WASHC5: variants seen among roughly 807,000 people sequenced by gnomAD.
WASHC5 encodes WASH complex subunit strumpellin.
WASHC5 carries 101 observed loss-of-function variants against 150.4 expected under a neutral mutation model. That is an observed-to-expected ratio of 0.67 (90% CI 0.57 to 0.79). The LOEUF is 0.79. Among genes scored for constraint, WASHC5 ranks in the 30% least tolerant of loss-of-function variants. The probability of loss-of-function intolerance (pLI) is 0.00; values close to 1 mark genes in which losing one functional copy is unlikely to be tolerated. For synonymous variants in WASHC5, 467 were observed against 491.2 expected (o/e 0.95, Z 0.65); for missense variants, 1,195 against 1,396.3 (o/e 0.86, Z 2.30).
chr8:125,071,120 G>C (rs955653024), intron 9 of WASHC5, among the ~76,000 whole-genome samples: 1 of 152,222 alleles, frequency 6.6e-6, no homozygotes, highest in Non-Finnish European at 1.5e-5. Flanking sequence ...GGTCCTCAAG[G>C]AAAGTTTGTT....
intron 10 of WASHC5, among the ~76,000 whole-genome samples, chr8:125,066,619 T>C (rs1390203181): frequency 6.6e-6 from 1 of 152,198 alleles, no homozygotes; most frequent in Non-Finnish European, 1.5e-5. Flanking sequence ...TTAATACCCT[T>C]TCCAGTGGTT....
rs951233953 is a variant in WASHC5 at position 125,032,503 on chromosome 8, C to G, written c.3182-109G>C. The G allele has an allele frequency of 4.0e-6, 5 of 1,235,058 alleles. No homozygotes were observed. In the East Asian group the frequency reaches 1.2e-4, roughly 29 times the overall value. The allele number at this position is 1,235,058 out of a possible 1,614,324, so 76.5% of individuals were successfully genotyped here. A position where few individuals can be genotyped will look rare whatever the true frequency, so the allele number is the denominator to read the frequency against. On this transcript the variant is annotated intron_variant, in intron 26 of 28. Coordinates refer to ENST00000318410, the MANE Select transcript of WASHC5 (RefSeq NM_014846.4). ...TGTTTGGGGCCCATATTCTCGCTGG[C>G]AGATGATATTTTGGAGGGAATGACA... is the stretch of plus-strand genomic sequence containing the variant.
At position 125,081,750 on chromosome 8, in the gene WASHC5, C is replaced by T. The variant is rs1217555816; in HGVS notation, c.429G>A (p.Leu143=). ...CCAGTAGCATAACTCCATATAAGTA[C>T]AGTGCTTCACACTAAGAAGAGAAGA... is the stretch of plus-strand genomic sequence containing the variant. The part of the protein sequence containing the change: ...EDGKQLLCEA[L]YLYGVMLLVI... The change falls in exon 5 of 29, where the codon CTG becomes CTA. Residue 143 remains leucine (L), a synonymous_variant. Coordinates refer to ENST00000318410, the MANE Select transcript of WASHC5 (RefSeq NM_014846.4). The T allele has an allele frequency of 3.7e-6, 6 of 1,602,862 alleles. No homozygotes were observed. Among genetic ancestry groups the T allele is most frequent in the Non-Finnish European group, 5.1e-6 (6 of 1,170,000 alleles).
rs149763012 is a variant in WASHC5, at chr8:125,050,559, G to C, written c.2199+5C>G. 434 of 1,609,864 alleles carry C rather than the reference G, an allele frequency of 2.7e-4. No individual in the cohort carries two copies. The African/African-American group carries it at 3.6e-3, about 13-fold the overall frequency. ...GAGGACAGGCCCACTCTGGTCACTG[G>C]GTACCTTGGCTCGAGGGTTGAATAT... On this transcript the variant is annotated splice_donor_5th_base_variant and intron_variant, in intron 18 of 28. Transcript: ENST00000318410.
At position 125,059,262 on chromosome 8, in the gene WASHC5, T is replaced by C; in HGVS notation, c.1724A>G (p.Asn575Ser). The C allele has an allele frequency of 1.2e-6, 2 of 1,614,062 alleles. No homozygotes were observed. Among genetic ancestry groups the C allele is most frequent in the Non-Finnish European group, 1.7e-6 (2 of 1,179,918 alleles). The change falls in exon 14 of 29, where the codon AAT becomes AGT. Residue 575 changes from asparagine to serine, a missense_variant. Asn to Ser is a conservative substitution (Grantham distance 46, BLOSUM62 1). Transcript: ENST00000318410. ...TCTGAGTTTAGTAACCATGGATGGA[T>C]TTACCCTTATGCTTTCTTGCATGAT... The part of the protein sequence containing the change: ...TSIMQESIRV[N>S]PSMVTKLRAT...
At chr8:125,034,229 G>A (rs1468685123) in intron 26 of WASHC5, among the ~76,000 whole-genome samples, 1 of 152,196 alleles carries the variant, frequency 6.6e-6, no homozygotes, top group African/African-American at 2.4e-5. Context: ...GCTGGGTTCA[G>A]TGGCTTATGC....
At chr8:125,059,975 G>T (rs996381676) in intron 12 of WASHC5, among the ~76,000 whole-genome samples, 1 of 152,158 alleles carries the variant, frequency 6.6e-6, no homozygotes, top group Non-Finnish European at 1.5e-5. Context: ...AAGCAAAGTA[G>T]AAATAATACA....
At chr8:125,051,160 T>C (rs1270720334) in intron 17 of WASHC5, among the ~76,000 whole-genome samples, 1 of 152,230 alleles carries the variant, frequency 6.6e-6, no homozygotes, top group African/African-American at 2.4e-5. Context: ...ATAATTATCT[T>C]TTCTTTCAGC....
At chr8:125,058,047 G>A (rs552877403) in intron 14 of WASHC5, among the ~76,000 whole-genome samples, 1 of 151,866 alleles carries the variant, frequency 6.6e-6, no homozygotes, top group Non-Finnish European at 1.5e-5. Context: ...CTACTCCTGT[G>A]TGGAAATCAA....
In WASHC5 at chr8:125,055,687, A is replaced by C; in HGVS notation, c.2017-16T>G. On this transcript the variant is annotated splice_polypyrimidine_tract_variant and intron_variant, in intron 16 of 28. Transcript: ENST00000318410. ...GCTTGGCAACCTATAACAAAGAAAA[A>C]GAGGTATGAAAAATCACTGTCTAAT... 6.7e-7 allele frequency: 1 copy of C among 1,497,448 alleles called. No individual in the cohort carries two copies. Among genetic ancestry groups the C allele is most frequent in the South Asian group, 1.1e-5 (1 of 88,690 alleles). The allele number at this position is 1,497,448 out of a possible 1,614,324, so 92.8% of individuals were successfully genotyped here.
chr8:125,032,212 C>T (rs1401632571), intron 27 of WASHC5, 29 bp downstream of exon 27: 17 of 1,613,176 alleles, frequency 1.1e-5, no homozygotes, highest in Non-Finnish European at 1.4e-5. Context: ...GACAAGAAGT[C>T]CCACGTAGTC....
intron 20 of WASHC5, among the ~76,000 whole-genome samples, chr8:125,045,255 T>C (rs1423254375): frequency 6.6e-6 from 1 of 152,250 alleles, no homozygotes; most frequent in Non-Finnish European, 1.5e-5. Context: ...AGTGTGATGA[T>C]GACAGTGACA....
chr8:125,057,808 GAAA>G lies in WASHC5; in HGVS notation c.1765-145_1765-143del, dbSNP rs1816458018. On this transcript the variant is annotated intron_variant, in intron 14 of 28. Coordinates refer to ENST00000318410, the MANE Select transcript of WASHC5 (RefSeq NM_014846.4). ...AATAGTTTCTGACAATACAGTTTTT[GAAA>G]AACCCAAGTTAACTGTGATGGCAGT... The G allele has an allele frequency of 4.8e-6, 3 of 629,288 alleles. No individual in the cohort carries two copies. The Admixed American group carries it at 6.9e-5, about 14-fold the overall frequency. 39.0% of individuals were successfully genotyped at this position (629,288 alleles called of 1,614,324 possible).
At chr8:125,087,119 T>A (rs772628399) in intron 1 of WASHC5, among the ~76,000 whole-genome samples, 1 of 152,248 alleles carries the variant, frequency 6.6e-6, no homozygotes. Flanking sequence ...GTGCTGAGAT[T>A]CAGTTTTGAG....
chr8:125,049,063 T>C lies in WASHC5; in HGVS notation c.2322A>G (p.Val774=). Residue 774 remains valine (V), a synonymous_variant, in exon 19 of 29, where the codon GTA becomes GTG. Transcript: ENST00000318410. ...CCACGTTGTAATTTATGATACGAGA[T>C]ACTTCTTCCTGCCAAATCTTCAGAC... ...IYGLKIWQEE[V]SRIINYNVEQ... 6.2e-7 allele frequency: 1 copy of C among 1,614,064 alleles called. No individual in the cohort carries two copies. The highest frequency in any genetic ancestry group is 8.5e-7 in the Non-Finnish European group (1 of 1,179,914).
intron 9 of WASHC5, among the ~76,000 whole-genome samples, chr8:125,068,306 A>AT (rs753276402): frequency 1.3e-5 from 2 of 152,218 alleles, no homozygotes; most frequent in Non-Finnish European, 2.9e-5. Flanking sequence ...ATTTTGGTAC[A>AT]TGCTGGGCAG....
rs1482197018 is a variant in WASHC5 at position 125,083,813 on chromosome 8, A to G, written c.86T>C (p.Leu29Pro). ...AGGAATAAACTCAGAGAGTCTCAAA[A>G]GTTCAGCAATGATGGCATTACCACA... ...VSCGNAIIAE[L>P]LRLSEFIPAV... is the part of the protein sequence containing the mutation. Residue 29 changes from leucine to proline, a missense_variant, in exon 2 of 29, where the codon CTT becomes CCT. Physicochemically the swap from Leu to Pro is moderately conservative, Grantham distance 98. Around this residue, in one of 3 missense-constraint regions of WASHC5, gnomAD observed 195 missense variants for 206.9 expected, o/e 0.94. Coordinates refer to ENST00000318410, the MANE Select transcript of WASHC5 (RefSeq NM_014846.4). 2 of 1,613,940 alleles carry G rather than the reference A, an allele frequency of 1.2e-6. No individual in the cohort carries two copies. Among genetic ancestry groups the G allele is most frequent in the Non-Finnish European group, 1.7e-6 (2 of 1,179,950 alleles).
chr8:125,083,985 C>T lies in WASHC5; in HGVS notation c.-87G>A. On this transcript the variant is annotated 5_prime_UTR_variant, in exon 2 of 29. An upstream open reading frame in the 5' UTR gains an earlier in-frame stop. Coordinates refer to ENST00000318410, the MANE Select transcript of WASHC5 (RefSeq NM_014846.4). Reference sequence around the variant, plus strand: ...GGTGTCTGTATATTATTAGATGAAACCAGGTGTGCAGAGAGATTGGCTCCT... The same window carrying T: ...GGTGTCTGTATATTATTAGATGAAATCAGGTGTGCAGAGAGATTGGCTCCT... 1 of 1,292,454 alleles carries T rather than the reference C, an allele frequency of 7.7e-7. No homozygotes were observed. The highest frequency in any genetic ancestry group is 2.5e-5 in the East Asian group (1 of 40,770). 80.1% of individuals were successfully genotyped at this position (1,292,454 alleles called of 1,614,324 possible). A position where few individuals can be genotyped will look rare whatever the true frequency, so the allele number is the denominator to read the frequency against.
intron 3 of WASHC5, 154 bp downstream of exon 3, chr8:125,082,959 G>A (rs926298746): frequency 1.8e-6 from 1 of 564,772 alleles, no homozygotes; most frequent in East Asian, 3.0e-5. Flanking sequence ...TTCTTAAGAT[G>A]ACCAGTGCCA....
Sources: allele counts gnomAD v4.1 joint callset (sites outside exome capture counted in the v4.1 genomes callset), GRCh38; gene constraint gnomAD v4.1.1; regional missense constraint gnomAD v4.1.1; transcripts MANE v1.5; gene names NCBI Gene and HGNC (gene_info 2026-07-23, HGNC 2026-07-21).